NSDHL: variants seen among roughly 807,000 people sequenced by gnomAD.
The protein encoded by NSDHL is NAD(P) dependent 3-beta-hydroxysteroid dehydrogenase NSDHL.
In NSDHL, 1 loss-of-function variant was observed where a neutral mutation model predicts 23.0. That is an observed-to-expected ratio of 0.04 (90% CI 0.02 to 0.21). NSDHL has a LOEUF of 0.21. Ranked by LOEUF, NSDHL falls within the 10% of genes least tolerant of loss-of-function variation. The pLI is 1.00. For synonymous variants in NSDHL, 128 were observed against 121.1 expected (o/e 1.06, Z -0.37); for missense variants, 237 against 300.9 (o/e 0.79, Z 1.57).
chrX:152,832,547 C>T (rs1388436289), intron 1 of NSDHL, among the ~76,000 whole-genome samples: 8 of 111,975 alleles, frequency 7.1e-5, no homozygotes, highest in Non-Finnish European at 1.3e-4. Context: ...ACCTTCAGAG[C>T]CTGAACCGTA....
intron 1 of NSDHL, among the ~76,000 whole-genome samples, chrX:152,835,785 C>G (rs1211748082): frequency 8.9e-6 from 1 of 111,790 alleles, no homozygotes; most frequent in Admixed American, 9.4e-5. Flanking sequence ...TTTATAGTAG[C>G]ATGATTTATA....
At chrX:152,837,765 G>A (rs1440498491) in intron 1 of NSDHL, among the ~76,000 whole-genome samples, 1 of 111,468 alleles carries the variant, frequency 9.0e-6, no homozygotes, top group African/African-American at 3.3e-5. Flanking sequence ...CTCTTTTTTT[G>A]TTGTGTCTCT....
chrX:152,836,802 A>C (rs782093669), intron 1 of NSDHL, among the ~76,000 whole-genome samples: 2 of 112,073 alleles, frequency 1.8e-5, no homozygotes, highest in African/African-American at 6.5e-5. Context: ...TTTTGGTTCC[A>C]TATGAACTTT....
chrX:152,844,187 C>T (rs1034935670), intron 1 of NSDHL, among the ~76,000 whole-genome samples: 1 of 111,912 alleles, frequency 8.9e-6, no homozygotes, highest in Admixed American at 9.4e-5. Flanking sequence ...CTCATAATGA[C>T]CTTATGAGGC....
At chrX:152,851,436 G>A (rs1343391997) in intron 3 of NSDHL, among the ~76,000 whole-genome samples, 1 of 111,463 alleles carries the variant, frequency 9.0e-6, no homozygotes, top group African/African-American at 3.3e-5. Flanking sequence ...TGCCAATCCT[G>A]TGCCCGTTGT....
intron 6 of NSDHL, among the ~76,000 whole-genome samples, chrX:152,866,289 C>T (rs150711770): frequency 0.011 from 1,230 of 112,037 alleles, 15 homozygotes; most frequent in African/African-American, 0.038. Flanking sequence ...ATCCCATTCC[C>T]GAGGGCAGAG....
At chrX:152,831,314 C>A (rs1933010996) in intron 1 of NSDHL, among the ~76,000 whole-genome samples, 197 bp downstream of exon 1, 1 of 111,658 alleles carries the variant, frequency 9.0e-6, no homozygotes, top group African/African-American at 3.3e-5. Context: ...CACGGGGCAA[C>A]TGAGACCCGG....
At chrX:152,852,911 C>T (rs1391948009) in intron 3 of NSDHL, among the ~76,000 whole-genome samples, 10 of 109,880 alleles carry the variant, frequency 9.1e-5, no homozygotes, top group Non-Finnish European at 1.9e-4. Flanking sequence ...CTTTGCTTGC[C>T]TTCTGAGATA....
chrX:152,836,533 T>A (rs1484598703), intron 1 of NSDHL, among the ~76,000 whole-genome samples: 1 of 112,099 alleles, frequency 8.9e-6, no homozygotes, highest in Non-Finnish European at 1.9e-5. Flanking sequence ...CTAGCCAGTT[T>A]TCCCAGCACC....
intron 6 of NSDHL, 79 bp downstream of exon 6, chrX:152,866,040 A>G: frequency 1.9e-6 from 2 of 1,061,349 alleles, no homozygotes; most frequent in East Asian, 3.0e-5. Context: ...CAGGAGCCAC[A>G]TGGCATTGTA....
chrX:152,859,944 G>T (rs1295094448), intron 4 of NSDHL, among the ~76,000 whole-genome samples: 3 of 112,371 alleles, frequency 2.7e-5, no homozygotes, highest in Non-Finnish European at 5.6e-5. Context: ...ACCAATCCTG[G>T]TTCTTAGAAT....
intron 6 of NSDHL, 52 bp from the exon 7 acceptor site, chrX:152,867,519 C>T (rs1358535277): frequency 4.4e-5 from 41 of 937,837 alleles, no homozygotes; most frequent in Non-Finnish European, 6.2e-5. Context: ...TGGCCCTGGC[C>T]TTCGTGCAGG....
chrX:152,842,876 G>C (rs1245246364), intron 1 of NSDHL, among the ~76,000 whole-genome samples: 4 of 111,939 alleles, frequency 3.6e-5, no homozygotes, highest in African/African-American at 1.3e-4. Flanking sequence ...TATTCAGTCA[G>C]AGCTATTCTC....
chrX:152,856,517 T>C (rs1556846965), intron 3 of NSDHL, among the ~76,000 whole-genome samples: 1 of 110,906 alleles, frequency 9.0e-6, no homozygotes, highest in Non-Finnish European at 1.9e-5. Flanking sequence ...CAGATTTGGG[T>C]TTCTATATAC....
chrX:152,832,707 C>CGCAGGCTGTGT (rs1308949488), intron 1 of NSDHL, among the ~76,000 whole-genome samples: 1 of 112,035 alleles, frequency 8.9e-6, no homozygotes, highest in Admixed American at 9.4e-5. Flanking sequence ...ACAAGTTCTG[C>CGCAGGCTGTGT]GCAGGCTGTG....
At chrX:152,857,293 C>T (rs782616947) in intron 3 of NSDHL, among the ~76,000 whole-genome samples, 1 of 112,238 alleles carries the variant, frequency 8.9e-6, no homozygotes, top group South Asian at 3.7e-4. Context: ...TTATCAATTG[C>T]AAAGGAAAAG....
chrX:152,861,055 G>A (rs782202443), intron 4 of NSDHL, among the ~76,000 whole-genome samples: 2 of 112,601 alleles, frequency 1.8e-5, no homozygotes, highest in Non-Finnish European at 3.7e-5. Context: ...AAGGGGCAGA[G>A]TGGCTTAGTG....
Position 152,857,726 on chromosome X carries a change from A to T in NSDHL, c.268-1044A>T, listed in dbSNP as rs1252705835. 2.7e-5 allele frequency among the ~76,000 whole-genome samples: 3 copies of T among 111,840 alleles called. No homozygotes were observed. In the Admixed American group the frequency reaches 2.8e-4, roughly 11 times the overall value. On this transcript the variant is annotated intron_variant, in intron 3 of 7. Coordinates refer to ENST00000370274, the MANE Select transcript of NSDHL (RefSeq NM_015922.3). ...ACTAATTATTGGATAAGAACATCAT[A>T]TCTGTTAAGTTTCTTGAGTGTGATC...
intron 1 of NSDHL, among the ~76,000 whole-genome samples, chrX:152,832,934 G>C (rs1556843574): frequency 1.8e-5 from 2 of 111,435 alleles, no homozygotes; most frequent in Non-Finnish European, 3.8e-5. Flanking sequence ...TCCATTTACA[G>C]GCAGATTTTT....
Sources: gnomAD v4.1 joint callset for allele counts (sites outside exome capture counted in the v4.1 genomes callset) on GRCh38, gnomAD v4.1.1 for gene constraint, MANE v1.5 for transcripts, NCBI Gene and HGNC (gene_info 2026-07-23, HGNC 2026-07-21) for gene names.